UBTD2: variants seen among roughly 807,000 people sequenced by gnomAD.
UBTD2 encodes ubiquitin domain containing 2, also known as ubiquitin domain-containing protein 2.
Under a neutral mutation model 19.8 loss-of-function variants are expected in UBTD2, and 9 were observed. That is an observed-to-expected ratio of 0.46 (90% CI 0.27 to 0.79). The LOEUF (loss-of-function observed/expected upper bound fraction) is 0.79. Ranked by LOEUF, UBTD2 falls within the 30% of genes least tolerant of loss-of-function variation. The pLI, the probability that UBTD2 is intolerant of heterozygous loss-of-function variation, is 0.14. For missense variants in UBTD2, 250 were observed against 300.4 expected, an observed-to-expected ratio of 0.83 and a Z score of 1.24; for synonymous variants, 98 against 103.9, an observed-to-expected ratio of 0.94 and a Z score of 0.35.
At chr5:172,235,115 G>C (rs1452516399) in intron 1 of UBTD2, among the ~76,000 whole-genome samples, 1 of 152,004 alleles carries the variant, frequency 6.6e-6, no homozygotes, top group Non-Finnish European at 1.5e-5. Flanking sequence ...TGAAAGTTTT[G>C]TTTTGTTCAT....
chr5:172,238,270 C>G (rs1049283837), intron 1 of UBTD2, among the ~76,000 whole-genome samples: 3 of 152,154 alleles, frequency 2.0e-5, no homozygotes, highest in Non-Finnish European at 4.4e-5. Flanking sequence ...GACTAGGTAC[C>G]ATGCTCTAAC....
chr5:172,225,933 C>CTTTTTTTTTT (rs57155195), intron 2 of UBTD2, among the ~76,000 whole-genome samples: 2 of 107,502 alleles, frequency 1.9e-5, no homozygotes, highest in African/African-American at 3.8e-5. Context: ...GGCTTAAACT[C>CTTTTTTTTTT]TTTTTTTTTT....
Position 172,223,586 on chromosome 5 carries a change from C to CAA in UBTD2, c.307+10534_307+10535dup, listed in dbSNP as rs577474758. ...TGCACTCCAGCCTGGGCGACGGAGT[C>CAA]AAAAAAAAAAAAAAAAAAAAAAAAA... On this transcript the variant is annotated intron_variant, in intron 2 of 2. Coordinates refer to ENST00000393792, the MANE Select transcript of UBTD2 (RefSeq NM_152277.3). 5.9e-3 allele frequency among the ~76,000 whole-genome samples: 194 copies of CAA among 33,122 alleles called. 53 individuals are homozygous for CAA. The highest frequency in any genetic ancestry group is 0.011 in the Admixed American group (26 of 2,364). The allele number at this position is 33,122 out of a possible 152,430, so 21.7% of individuals were successfully genotyped here.
At chr5:172,236,807 T>G (rs559714145) in intron 1 of UBTD2, among the ~76,000 whole-genome samples, 28 of 152,138 alleles carry the variant, frequency 1.8e-4, no homozygotes, top group Non-Finnish European at 3.8e-4. Context: ...TTACAAAGCA[T>G]GGACAAAAAC....
intron 1 of UBTD2, among the ~76,000 whole-genome samples, chr5:172,250,438 T>C (rs1243937162): frequency 6.6e-6 from 1 of 152,174 alleles, no homozygotes; most frequent in Non-Finnish European, 1.5e-5. Context: ...TTTACTTCTG[T>C]AATATTCCTG....
intron 1 of UBTD2, chr5:172,252,536 T>A (rs1755044887): frequency 6.6e-6 from 1 of 152,184 alleles, no homozygotes; most frequent in Non-Finnish European, 1.5e-5. Flanking sequence ...ACATCAATTA[T>A]CAAAAGCATA....
chr5:172,223,263 A>G (rs372182664), intron 2 of UBTD2, among the ~76,000 whole-genome samples: 118 of 152,316 alleles, frequency 7.7e-4, no homozygotes, highest in East Asian at 5.8e-3. Flanking sequence ...TCAGGGTAAA[A>G]TAAGTTTGGA....
At position 172,275,864 on chromosome 5, in the gene UBTD2, A is replaced by C. The variant is rs116294907; in HGVS notation, c.70+7732T>G. 2.4e-3 allele frequency among the ~76,000 whole-genome samples: 368 copies of C among 152,238 alleles called. 2 individuals are homozygous for C. The highest frequency in any genetic ancestry group is 8.2e-3 in the African/African-American group (342 of 41,546). On this transcript the variant is annotated intron_variant, in intron 1 of 2. Transcript: ENST00000393792. ...CTTATTCCACAAAACCTGCCAAGCT[A>C]CCTCAATATTCCTGGTCACTCGGGT... is the stretch of plus-strand genomic sequence containing the variant.
chr5:172,218,860 G>T (rs544632848), intron 2 of UBTD2, among the ~76,000 whole-genome samples: 6 of 149,222 alleles, frequency 4.0e-5, no homozygotes, highest in African/African-American at 1.5e-4. Context: ...TGATTACAAG[G>T]TTTTATTGAC....
chr5:172,247,498 T>A (rs955303487), intron 1 of UBTD2, among the ~76,000 whole-genome samples: 1 of 151,854 alleles, frequency 6.6e-6, no homozygotes, highest in East Asian at 1.9e-4. Context: ...AGCAACACTT[T>A]CTCAAATAAA....
chr5:172,254,216 C>T (rs1755093164), intron 1 of UBTD2, among the ~76,000 whole-genome samples: 1 of 152,104 alleles, frequency 6.6e-6, no homozygotes, highest in African/African-American at 2.4e-5. Flanking sequence ...TCTCCTGCCT[C>T]AGCCTCCCAA....
intron 1 of UBTD2, among the ~76,000 whole-genome samples, chr5:172,243,416 G>C (rs562056583): frequency 9.5e-4 from 145 of 152,162 alleles, no homozygotes; most frequent in African/African-American, 3.1e-3. Flanking sequence ...CTAGAGAAGA[G>C]AGATGATTTT....
chr5:172,218,561 T>C (rs1214706963), intron 2 of UBTD2, among the ~76,000 whole-genome samples: 1 of 151,998 alleles, frequency 6.6e-6, no homozygotes, highest in East Asian at 1.9e-4. Context: ...GGCAGGTAGA[T>C]TGCTTGAGTC....
intron 1 of UBTD2, among the ~76,000 whole-genome samples, chr5:172,270,169 T>C (rs907531731): frequency 6.6e-6 from 1 of 151,396 alleles, no homozygotes; most frequent in African/African-American, 2.4e-5. Flanking sequence ...AGCCTTGAAC[T>C]CATGGGCTCA....
intron 1 of UBTD2, among the ~76,000 whole-genome samples, chr5:172,247,729 C>T (rs776260429): frequency 6.6e-6 from 1 of 152,120 alleles, no homozygotes; most frequent in African/African-American, 2.4e-5. Context: ...GTTCTACAAA[C>T]AATACTTGGA....
Position 172,223,586 on chromosome 5 carries a change from C to CAAAAAAAA in UBTD2, c.307+10528_307+10535dup, listed in dbSNP as rs577474758. ...TGCACTCCAGCCTGGGCGACGGAGT[C>CAAAAAAAA]AAAAAAAAAAAAAAAAAAAAAAAAA... On this transcript the variant is annotated intron_variant, in intron 2 of 2. Transcript: ENST00000393792. 1.2e-3 allele frequency among the ~76,000 whole-genome samples: 39 copies of CAAAAAAAA among 33,128 alleles called. 6 individuals carry two copies. The highest frequency in any genetic ancestry group is 5.0e-3 in the African/African-American group (38 of 7,662). The allele number at this position is 33,128 out of a possible 152,430, so 21.7% of individuals were successfully genotyped here. A position where few individuals can be genotyped will look rare whatever the true frequency, so the allele number is the denominator to read the frequency against.
rs1246484259 is a variant in UBTD2 at position 172,245,431 on chromosome 5, A to G, written c.71-11073T>C. Among the ~76,000 whole-genome samples the G allele has an allele frequency of 2.6e-5, 4 of 152,314 alleles. No individual in the cohort carries two copies. In the East Asian group the frequency reaches 7.7e-4, roughly 29 times the overall value. On this transcript the variant is annotated intron_variant, in intron 1 of 2. Transcript: ENST00000393792. ...CTGTGCATGCATGGAACAGTCCCAAAACAATACAGCCATGGCTCTCTGAGA... is the reference window on the plus strand; with the variant it reads ...CTGTGCATGCATGGAACAGTCCCAAGACAATACAGCCATGGCTCTCTGAGA...
chr5:172,232,559 T>C (rs1446075062), intron 2 of UBTD2, among the ~76,000 whole-genome samples: 2 of 152,014 alleles, frequency 1.3e-5, no homozygotes, highest in Non-Finnish European at 2.9e-5. Flanking sequence ...GGCAAGGATA[T>C]AGTAAGTTAA....
intron 1 of UBTD2, among the ~76,000 whole-genome samples, chr5:172,281,668 G>A (rs1277423524): frequency 6.6e-6 from 1 of 151,990 alleles, no homozygotes; most frequent in Non-Finnish European, 1.5e-5. Context: ...ACACACCTGA[G>A]TTAATTTCAC....
Sources: gnomAD v4.1 joint callset for allele counts (sites outside exome capture counted in the v4.1 genomes callset) on GRCh38, gnomAD v4.1.1 for gene constraint, MANE v1.5 for transcripts, NCBI Gene and HGNC (gene_info 2026-07-23, HGNC 2026-07-21) for gene names.